Variants in DPP6 observed in about 807,000 individuals in gnomAD.
DPP6 encodes dipeptidyl peptidase like 6.
In DPP6, 69 loss-of-function variants were observed where a neutral mutation model predicts 122.6. The observed-to-expected ratio is 0.56, with a 90% confidence interval of 0.46 to 0.69. DPP6 has a LOEUF of 0.69. Among genes scored for constraint, DPP6 ranks in the 30% least tolerant of loss-of-function variants. The probability of loss-of-function intolerance (pLI) is 0.00; values close to 1 mark genes in which losing one functional copy is unlikely to be tolerated. For synonymous variants in DPP6, 418 were observed against 433.1 expected, an observed-to-expected ratio of 0.97 and a Z score of 0.43; for missense variants, 928 against 1,116.9, an observed-to-expected ratio of 0.83 and a Z score of 2.41.
At chr7:154,686,926 T>A (rs956310152) in intron 7 of DPP6, among the ~76,000 whole-genome samples, 19 of 152,156 alleles carry the variant, frequency 1.2e-4, no homozygotes, top group African/African-American at 4.1e-4. Flanking sequence ...GGACTCCAGG[T>A]CCACCGGGTT....
intron 10 of DPP6, among the ~76,000 whole-genome samples, chr7:154,790,581 A>C (rs1026052462): frequency 1.3e-5 from 2 of 152,092 alleles, no homozygotes; most frequent in African/African-American, 4.8e-5. Context: ...ACCAGGCTTT[A>C]AAAATTCATA....
At chr7:154,189,421 G>A (rs1363157824) in intron 1 of DPP6, among the ~76,000 whole-genome samples, 1 of 152,188 alleles carries the variant, frequency 6.6e-6, no homozygotes, top group East Asian at 1.9e-4. Flanking sequence ...TGTTTATACA[G>A]CAGCTATTAA....
At chr7:153,916,902 A>G (rs772812516) in intron 1 of DPP6, among the ~76,000 whole-genome samples, 5 of 152,160 alleles carry the variant, frequency 3.3e-5, no homozygotes, top group Non-Finnish European at 7.3e-5. Flanking sequence ...ACTTACCTCA[A>G]TGGCTTGTTC....
At position 154,892,216 on chromosome 7, in the gene DPP6, A is replaced by C. The variant is rs1806671928; in HGVS notation, c.2452-118A>C. ...GCATGGTTAGCAAACCCACTTCATC[A>C]ACTACAATCCAGCCCCGGACGGGGC... On this transcript the variant is annotated intron_variant, in intron 25 of 25. Transcript: ENST00000377770. The C allele has an allele frequency of 2.2e-6, 3 of 1,364,328 alleles. No individual in the cohort carries two copies. In the Admixed American group the frequency reaches 6.6e-5, roughly 30 times the overall value. 84.5% of individuals were successfully genotyped at this position (1,364,328 alleles called of 1,614,324 possible).
chr7:154,493,389 T>G (rs1410491334), intron 3 of DPP6, among the ~76,000 whole-genome samples: 1 of 152,244 alleles, frequency 6.6e-6, no homozygotes, highest in Non-Finnish European at 1.5e-5. Context: ...TCAGTGAGAC[T>G]GAGACCCTGG....
intron 12 of DPP6, 146 bp downstream of exon 12, chr7:154,796,029 C>G (rs1189272038): frequency 1.5e-6 from 2 of 1,309,558 alleles, no homozygotes; most frequent in Non-Finnish European, 2.0e-6. Flanking sequence ...GTGCCGGCTC[C>G]ACTCACGGTG....
chr7:154,351,035 T>G (rs1031540388), intron 1 of DPP6, among the ~76,000 whole-genome samples: 5 of 152,150 alleles, frequency 3.3e-5, no homozygotes, highest in Non-Finnish European at 5.9e-5. Context: ...ATGGAAAATT[T>G]GAGGTTTCTT....
intron 1 of DPP6, among the ~76,000 whole-genome samples, chr7:154,351,551 G>A (rs1474511157): frequency 1.3e-5 from 2 of 152,180 alleles, no homozygotes; most frequent in African/African-American, 4.8e-5. Flanking sequence ...TGCACCTGGA[G>A]GGACCCTGCC....
intron 1 of DPP6, chr7:154,026,166 C>T (rs1798946917): frequency 6.6e-6 from 1 of 152,048 alleles, no homozygotes; most frequent in East Asian, 1.9e-4. Context: ...ATGACTAACC[C>T]CCAGTAAGAA....
chr7:154,571,015 T>A (rs1831076087), intron 5 of DPP6, among the ~76,000 whole-genome samples: 1 of 152,220 alleles, frequency 6.6e-6, no homozygotes, highest in South Asian at 2.1e-4. Flanking sequence ...TCTCAAAAGA[T>A]CATTCCTGCT....
intron 1 of DPP6, among the ~76,000 whole-genome samples, chr7:154,117,679 A>T (rs572734297): frequency 1.3e-5 from 2 of 152,264 alleles, no homozygotes; most frequent in African/African-American, 2.4e-5. Flanking sequence ...CTTAGAAGAG[A>T]TTCATCGTAG....
intron 1 of DPP6, among the ~76,000 whole-genome samples, chr7:153,899,190 C>CCT (rs1563216740): frequency 6.6e-6 from 1 of 151,284 alleles, no homozygotes; most frequent in East Asian, 1.9e-4. Flanking sequence ...TCTTCCTCTT[C>CCT]CTTCTCCTCC....
At chr7:153,812,304 A>G in the DPP6 span, among the ~76,000 whole-genome samples, 2 of 151,992 alleles carry the variant, frequency 1.3e-5, no homozygotes, top group African/African-American at 4.8e-5. Flanking sequence ...GGATCCTTAA[A>G]ACATGATACC....
At chr7:154,649,852 T>C (rs2130986341) in intron 6 of DPP6, among the ~76,000 whole-genome samples, 1 of 152,314 alleles carries the variant, frequency 6.6e-6, no homozygotes, top group East Asian at 1.9e-4. Context: ...ACACTCCCCA[T>C]GGAGCGGATT....
intron 3 of DPP6, among the ~76,000 whole-genome samples, chr7:154,490,959 G>T (rs1290997093): frequency 6.6e-6 from 1 of 152,154 alleles, no homozygotes; most frequent in Non-Finnish European, 1.5e-5. Context: ...CTATACTGTA[G>T]GTGTCTATTT....
chr7:154,498,316 A>C (rs1241928626), intron 3 of DPP6, among the ~76,000 whole-genome samples: 1 of 152,110 alleles, frequency 6.6e-6, no homozygotes, highest in Non-Finnish European at 1.5e-5. Flanking sequence ...ACAAGCAATC[A>C]GAGATAGACC....
chr7:153,809,589 G>T, the DPP6 span, among the ~76,000 whole-genome samples: 2 of 152,196 alleles, frequency 1.3e-5, no homozygotes, highest in African/African-American at 4.8e-5. Flanking sequence ...GGAGGAGCTT[G>T]CAGCCCTTTC....
chr7:154,141,017 C>T (rs1414253362), intron 1 of DPP6, among the ~76,000 whole-genome samples: 3 of 152,058 alleles, frequency 2.0e-5, no homozygotes, highest in Admixed American at 6.6e-5. Flanking sequence ...TTGTCCTTGT[C>T]GACTGTCTTT....
intron 3 of DPP6, among the ~76,000 whole-genome samples, chr7:154,539,710 G>C (rs747869563): frequency 3.9e-5 from 6 of 151,926 alleles, no homozygotes; most frequent in Non-Finnish European, 8.8e-5. Flanking sequence ...GAGGGTCAAA[G>C]ATCTTTCTAA....
Sources: allele counts gnomAD v4.1 joint callset (sites outside exome capture counted in the v4.1 genomes callset), GRCh38; gene constraint gnomAD v4.1.1; transcripts MANE v1.5; gene names NCBI Gene and HGNC (gene_info 2026-07-23, HGNC 2026-07-21).